PCDHGA3: variants seen among roughly 807,000 people sequenced by gnomAD.
PCDHGA3 encodes protocadherin gamma subfamily A, 3.
Under a neutral mutation model 58.5 loss-of-function variants are expected in PCDHGA3, and 40 were observed. The ratio of observed to expected loss-of-function variants is 0.68; its 90% CI spans 0.53 to 0.89. The LOEUF (loss-of-function observed/expected upper bound fraction) is 0.89, where lower values mean the gene tolerates loss of function less well. PCDHGA3 is among the 40% of genes least tolerant of loss of function. The probability of loss-of-function intolerance (pLI) is 0.00; values close to 1 mark genes in which losing one functional copy is unlikely to be tolerated. For synonymous variants in PCDHGA3, 530 were observed against 525.7 expected (o/e 1.01, Z -0.11); for missense variants, 1,223 against 1,195.9 (o/e 1.02, Z -0.33).
chr5:141,388,382 A>T, intron 1 of PCDHGA3: 1 of 1,614,018 alleles, frequency 6.2e-7, no homozygotes, highest in Non-Finnish European at 8.5e-7. Flanking sequence ...GTAGCAACAC[A>T]CTGCAGAATT....
chr5:141,481,066 A>G (rs1366968394), intron 1 of PCDHGA3, among the ~76,000 whole-genome samples: 1 of 152,156 alleles, frequency 6.6e-6, no homozygotes, highest in Non-Finnish European at 1.5e-5. Flanking sequence ...TCAAAAACAA[A>G]AAGAAAGAAA....
intron 1 of PCDHGA3, chr5:141,388,940 C>T: frequency 6.2e-7 from 1 of 1,613,966 alleles, no homozygotes; most frequent in South Asian, 1.1e-5. Context: ...CTCTACCCAA[C>T]CTAATTATGG....
intron 1 of PCDHGA3, chr5:141,384,066 C>T (rs754340033): frequency 1.6e-5 from 25 of 1,606,462 alleles, no homozygotes; most frequent in Non-Finnish European, 2.0e-5. Context: ...TTCCAGAAAA[C>T]CTACCTTTTA....
intron 1 of PCDHGA3, among the ~76,000 whole-genome samples, chr5:141,466,735 T>C (rs2099128254): frequency 6.6e-6 from 1 of 152,224 alleles, no homozygotes; most frequent in South Asian, 2.1e-4. Context: ...GCAGAATTCA[T>C]GTTACTCTGA....
Position 141,477,902 on chromosome 5 carries a change from T to A in PCDHGA3, c.2425-16905T>A. ...CCACCTAGTGTCACGGGTGGTAGGC[T>A]GGGACGCGGATGCAGGGCACAATGC... On this transcript the variant is annotated intron_variant, in intron 1 of 3. Transcript: ENST00000253812. The surrounding 1 kb of genome is among the most constrained non-coding windows in gnomAD (Gnocchi z 4.9). The A allele has an allele frequency of 6.2e-7, 1 of 1,614,176 alleles. No homozygotes were observed. Among genetic ancestry groups the A allele is most frequent in the Non-Finnish European group, 8.5e-7 (1 of 1,180,028 alleles).
In PCDHGA3 at chr5:141,345,853, G is replaced by T; in HGVS notation, c.1820G>T (p.Arg607Leu). The T allele has an allele frequency of 6.2e-7, 1 of 1,613,362 alleles. No homozygotes were observed. Among genetic ancestry groups the T allele is most frequent in the Non-Finnish European group, 8.5e-7 (1 of 1,179,936 alleles). Reference sequence around the variant, plus strand: ...GGCCAGAACGCCTGGCTGTCCTACCGCCTGCTCAAGGCCAGCGAGCCGGGA... The same window carrying T: ...GGCCAGAACGCCTGGCTGTCCTACCTCCTGCTCAAGGCCAGCGAGCCGGGA... The part of the protein sequence containing the change: ...DSGQNAWLSY[R>L]LLKASEPGLF... The change falls in exon 1 of 4, where the codon CGC becomes CTC. Residue 607 changes from arginine to leucine, a missense_variant. Physicochemically the swap from Arg to Leu is moderately radical, Grantham distance 102. Coordinates refer to ENST00000253812, the MANE Select transcript of PCDHGA3 (RefSeq NM_018916.4).
chr5:141,410,054 A>C, intron 1 of PCDHGA3: 1 of 1,613,064 alleles, frequency 6.2e-7, no homozygotes. Context: ...CGGACTCTTC[A>C]GCCTGGGGCT....
chr5:141,406,532 G>A (rs58503510), intron 1 of PCDHGA3, among the ~76,000 whole-genome samples: 16,962 of 152,088 alleles, frequency 0.11, 1,106 homozygotes, highest in African/African-American at 0.18. Context: ...ATTTTCTGAC[G>A]AAGATTCAAA....
Position 141,376,812 on chromosome 5 carries a change from T to G in PCDHGA3, c.2424+30355T>G, listed in dbSNP as rs62378423. ...CGCCATTCTCCTGCCTCAGCCTCCC[T>G]AGTAGCTGGGACTACAGGCGCCCGC... On this transcript the variant is annotated intron_variant, in intron 1 of 3. Coordinates refer to ENST00000253812, the MANE Select transcript of PCDHGA3 (RefSeq NM_018916.4). 3.9e-4 allele frequency: 120 copies of G among 303,828 alleles called. 2 individuals carry two copies. In the South Asian group the frequency reaches 4.4e-3, roughly 11 times the overall value. The allele number at this position is 303,828 out of a possible 1,614,324, so 18.8% of individuals were successfully genotyped here.
intron 1 of PCDHGA3, 67 bp downstream of exon 1, chr5:141,346,524 C>T (rs1373597039): frequency 5.0e-6 from 8 of 1,588,144 alleles, no homozygotes; most frequent in Non-Finnish European, 6.0e-6. Flanking sequence ...AAAGCTTTAA[C>T]ACATATGTAT....
At chr5:141,426,756 G>C in intron 1 of PCDHGA3, 1 of 456,302 alleles carries the variant, frequency 2.2e-6, no homozygotes, top group Non-Finnish European at 4.4e-6. Context: ...ATCTGCTATA[G>C]ATGCAGATGT....
At chr5:141,361,888 G>T (rs201231976) in intron 1 of PCDHGA3, 1 of 1,610,098 alleles carries the variant, frequency 6.2e-7, no homozygotes, top group African/African-American at 1.3e-5. Context: ...CGCAGAGCCC[G>T]GCTACCTGGT....
intron 1 of PCDHGA3, chr5:141,399,077 G>A (rs1589355843): frequency 6.2e-7 from 1 of 1,613,830 alleles, no homozygotes; most frequent in Non-Finnish European, 8.5e-7. Context: ...GTTGTAGAAG[G>A]GAGGGATGGT....
At chr5:141,409,702 G>C (rs545411022) in intron 1 of PCDHGA3, 2 of 1,613,108 alleles carry the variant, frequency 1.2e-6, no homozygotes, top group African/African-American at 2.7e-5. Context: ...AGCCCCTGGC[G>C]GTGTCGTCAT....
chr5:141,491,022 C>T lies in PCDHGA3; in HGVS notation c.2425-3785C>T, dbSNP rs1431293281. 6.8e-6 allele frequency: 11 copies of T among 1,614,116 alleles called. No homozygotes were observed. Among genetic ancestry groups the T allele is most frequent in the East Asian group, 2.2e-5 (1 of 44,886 alleles). On this transcript the variant is annotated intron_variant, in intron 1 of 3. Coordinates refer to ENST00000253812, the MANE Select transcript of PCDHGA3 (RefSeq NM_018916.4). The surrounding 1 kb of genome is among the most constrained non-coding windows in gnomAD (Gnocchi z 6.9). ...GCTCCTTGGTCACCAAGGTGACAGCCGTGGATGCTGATGCAGGCCACAATG... is the reference window on the plus strand; with the variant it reads ...GCTCCTTGGTCACCAAGGTGACAGCTGTGGATGCTGATGCAGGCCACAATG...
In PCDHGA3 at chr5:141,432,770, G is replaced by A. The variant is rs930442281; in HGVS notation, c.2425-62037G>A. The A allele has an allele frequency of 6.2e-7, 1 of 1,614,128 alleles. No individual in the cohort carries two copies. On this transcript the variant is annotated intron_variant, in intron 1 of 3. Coordinates refer to ENST00000253812, the MANE Select transcript of PCDHGA3 (RefSeq NM_018916.4). This position sits in a 1 kb window ranked among gnomAD's most constrained non-coding sequence, Gnocchi z 6.0. ...GGCCGTGGCCGACAGCATCCCCCAAGTCCTGGCGGACCTCGGCAGCCTCGA... is the reference window on the plus strand; with the variant it reads ...GGCCGTGGCCGACAGCATCCCCCAAATCCTGGCGGACCTCGGCAGCCTCGA...
chr5:141,486,083 C>T lies in PCDHGA3; in HGVS notation c.2425-8724C>T, dbSNP rs367657659. On this transcript the variant is annotated intron_variant, in intron 1 of 3. Coordinates refer to ENST00000253812, the MANE Select transcript of PCDHGA3 (RefSeq NM_018916.4). This position sits in a 1 kb window ranked among gnomAD's most constrained non-coding sequence, Gnocchi z 5.0. ...GCACCCCACTACTGGAAAGCTTACTCTTTTGGGGCCCCTAGACTTTGAGAG... is the reference window on the plus strand; with the variant it reads ...GCACCCCACTACTGGAAAGCTTACTTTTTTGGGGCCCCTAGACTTTGAGAG... The T allele has an allele frequency of 1.2e-6, 2 of 1,614,062 alleles. No individual in the cohort carries two copies. Among genetic ancestry groups the T allele is most frequent in the Non-Finnish European group, 1.7e-6 (2 of 1,180,040 alleles).
chr5:141,496,338 G>A (rs1011495959), intron 2 of PCDHGA3, among the ~76,000 whole-genome samples: 5 of 152,230 alleles, frequency 3.3e-5, no homozygotes, highest in African/African-American at 9.6e-5. Flanking sequence ...TCAGGAGCCT[G>A]GAGGAGTCTC....
intron 1 of PCDHGA3, chr5:141,428,270 C>T (rs1353416356): frequency 1.3e-6 from 1 of 778,952 alleles, no homozygotes. Flanking sequence ...AGTCCTGTGC[C>T]CTCTGATTCC....
Sources: gnomAD v4.1 joint callset for allele counts (sites outside exome capture counted in the v4.1 genomes callset) on GRCh38, gnomAD v4.1.1 for gene constraint, Gnocchi (gnomAD v3.1) non-coding constraint, MANE v1.5 for transcripts, NCBI Gene and HGNC (gene_info 2026-07-23, HGNC 2026-07-21) for gene names.